ATP10A: variants seen among roughly 807,000 people sequenced by gnomAD.
ATP10A encodes phospholipid-transporting ATPase VA.
ATP10A carries 111 observed loss-of-function variants against 147.8 expected under a neutral mutation model. The observed-to-expected ratio is 0.75, with a 90% CI of 0.64 to 0.88. The LOEUF is 0.88. Among genes scored for constraint, ATP10A ranks in the 40% least tolerant of loss-of-function variants. The pLI is 0.00. For missense variants in ATP10A, 1,927 were observed against 1,959.0 expected (o/e 0.98, Z 0.31); for synonymous variants, 875 against 841.6 (o/e 1.04, Z -0.69).
chr15:25,788,375 C>CA (rs1332843665), intron 1 of ATP10A, among the ~76,000 whole-genome samples: 4 of 152,234 alleles, frequency 2.6e-5, no homozygotes, highest in African/African-American at 9.6e-5. Flanking sequence ...TCCTGATCTG[C>CA]AGAACGGGGG....
At position 25,727,023 on chromosome 15, in the gene ATP10A, C is replaced by G. The variant is rs545302494; in HGVS notation, c.847+137G>C. On this transcript the variant is annotated intron_variant, in intron 4 of 20. Transcript: ENST00000555815. ...AGTGAGCCGAGATCGCGCCACTGCA[C>G]TCCAGCCTGGGCGACAGTGCGAGAC... 128 of 623,036 alleles carry G rather than the reference C, an allele frequency of 2.1e-4. 1 individual carries two copies. Among genetic ancestry groups the G allele is most frequent in the South Asian group, 1.8e-3 (90 of 48,878 alleles). 38.6% of individuals were successfully genotyped at this position (623,036 alleles called of 1,614,324 possible). A position where few individuals can be genotyped will look rare whatever the true frequency, so the allele number is the denominator to read the frequency against.
intron 1 of ATP10A, among the ~76,000 whole-genome samples, chr15:25,833,751 C>T (rs575170884): frequency 2.6e-5 from 4 of 152,238 alleles, no homozygotes; most frequent in East Asian, 3.9e-4. Context: ...GAGGCTGAGG[C>T]GGACAGATCA....
chr15:25,677,050 C>T (rs1325681568), downstream of ATP10A, among the ~76,000 whole-genome samples: 1 of 152,108 alleles, frequency 6.6e-6, no homozygotes, highest in Non-Finnish European at 1.5e-5. Flanking sequence ...GACATAGTAT[C>T]TGACCTCCGA....
downstream of ATP10A, among the ~76,000 whole-genome samples, chr15:25,673,342 G>A (rs1899078697): frequency 6.6e-6 from 1 of 152,164 alleles, no homozygotes; most frequent in Non-Finnish European, 1.5e-5. Context: ...AGGAGAGGTG[G>A]GGCTTCCTGG....
intron 13 of ATP10A, among the ~76,000 whole-genome samples, chr15:25,697,058 T>G (rs534968168): frequency 1.3e-5 from 2 of 152,284 alleles, no homozygotes; most frequent in South Asian, 2.1e-4. Flanking sequence ...GAAAAGGGGA[T>G]TCTTGGGGAA....
intron 17 of ATP10A, among the ~76,000 whole-genome samples, chr15:25,682,726 T>C (rs1899491611): frequency 6.6e-6 from 1 of 152,202 alleles, no homozygotes; most frequent in African/African-American, 2.4e-5. Context: ...CATCAGTGAA[T>C]GAATCTGGAA....
At chr15:25,814,913 T>C (rs11629954) in intron 1 of ATP10A, among the ~76,000 whole-genome samples, 121,245 of 152,128 alleles carry the variant, frequency 0.8, 48,518 homozygotes, top group East Asian at 0.84. Context: ...AGTGAGAAAA[T>C]GCACAAACAC....
chr15:25,790,107 C>T (rs969304422), intron 1 of ATP10A, among the ~76,000 whole-genome samples: 2 of 152,098 alleles, frequency 1.3e-5, no homozygotes, highest in African/African-American at 4.8e-5. Flanking sequence ...TGCATAACGC[C>T]CAGAATGTGT....
chr15:25,684,437 C>T (rs1301187370), intron 16 of ATP10A, among the ~76,000 whole-genome samples: 1 of 152,168 alleles, frequency 6.6e-6, no homozygotes, highest in South Asian at 2.1e-4. Context: ...CGTGAAGCGA[C>T]CCAGTACATT....
chr15:25,712,895 C>T (rs972251291), intron 10 of ATP10A, among the ~76,000 whole-genome samples: 3 of 152,188 alleles, frequency 2.0e-5, no homozygotes, highest in Non-Finnish European at 4.4e-5. Flanking sequence ...GCTTCTGTGC[C>T]AGGGGTCCTC....
intron 1 of ATP10A, among the ~76,000 whole-genome samples, chr15:25,815,636 A>G (rs1173368302): frequency 2.2e-4 from 2 of 8,974 alleles, no homozygotes; most frequent in Non-Finnish European, 6.5e-4. Context: ...CACACAGACT[A>G]AAACCAAACC....
intron 1 of ATP10A, among the ~76,000 whole-genome samples, chr15:25,798,893 C>T (rs1890807630): frequency 8.2e-6 from 1 of 122,652 alleles, no homozygotes; most frequent in African/African-American, 3.1e-5. Flanking sequence ...GGATCCCACT[C>T]GGAGGCCCCC....
chr15:25,805,457 T>C (rs1891140267), intron 1 of ATP10A, among the ~76,000 whole-genome samples: 1 of 152,212 alleles, frequency 6.6e-6, no homozygotes, highest in Admixed American at 6.5e-5. Context: ...TTTACACGCG[T>C]CCTTATTTTT....
chr15:25,829,139 C>T (rs984989416), intron 1 of ATP10A, among the ~76,000 whole-genome samples: 31 of 152,118 alleles, frequency 2.0e-4, no homozygotes, highest in Admixed American at 1.7e-3. Flanking sequence ...GGTAATAACA[C>T]AAGTGTATTA....
intron 2 of ATP10A, among the ~76,000 whole-genome samples, chr15:25,775,410 C>T (rs1340110188): frequency 6.6e-6 from 1 of 152,134 alleles, no homozygotes; most frequent in Non-Finnish European, 1.5e-5. Flanking sequence ...TACACCAGGC[C>T]CCCCAGGGAC....
chr15:25,785,962 T>C (rs1266238131), intron 1 of ATP10A, among the ~76,000 whole-genome samples: 7 of 152,186 alleles, frequency 4.6e-5, no homozygotes, highest in African/African-American at 1.7e-4. Flanking sequence ...TCCGGAGGTG[T>C]CTCCAGCTTT....
chr15:25,783,309 C>T (rs1222408003), intron 1 of ATP10A, among the ~76,000 whole-genome samples: 6 of 152,184 alleles, frequency 3.9e-5, no homozygotes, highest in East Asian at 1.9e-4. Flanking sequence ...TACTCTCACC[C>T]GAGTTCCAAG....
In ATP10A at chr15:25,727,181, C is replaced by T. The variant is rs774285963; in HGVS notation, c.826G>A (p.Val276Ile). 10 of 1,614,032 alleles carry T rather than the reference C, an allele frequency of 6.2e-6. No homozygotes were observed. Among genetic ancestry groups the T allele is most frequent in the Non-Finnish European group, 7.6e-6 (9 of 1,180,022 alleles). The change falls in exon 4 of 21, where the codon GTC becomes ATC. Residue 276 changes from valine to isoleucine, a missense_variant. Val to Ile is a conservative substitution (Grantham distance 29, BLOSUM62 3). Transcript: ENST00000555815. Reference sequence around the variant, plus strand: ...CTACCTGCGTAGATGACAATGCCGACGACTGCGTCCGTGTTCCTAAGGGTG... The same window carrying T: ...CTACCTGCGTAGATGACAATGCCGATGACTGCGTCCGTGTTCCTAAGGGTG... ...GCTLRNTDAV[V>I]GIVIYAGHET...
intron 2 of ATP10A, among the ~76,000 whole-genome samples, chr15:25,780,311 G>A (rs1193653449): frequency 6.6e-6 from 1 of 152,270 alleles, no homozygotes; most frequent in Non-Finnish European, 1.5e-5. Flanking sequence ...GCAGGGCTGG[G>A]AGAAGGAGGC....
Sources: gnomAD v4.1 joint callset for allele counts (sites outside exome capture counted in the v4.1 genomes callset) on GRCh38, gnomAD v4.1.1 for gene constraint, MANE v1.5 for transcripts, NCBI Gene and HGNC (gene_info 2026-07-23, HGNC 2026-07-21) for gene names.